PDE1A: variants seen among roughly 807,000 people sequenced by gnomAD.
The protein encoded by PDE1A is phosphodiesterase 1A, also known as dual specificity calcium/calmodulin-dependent 3',5'-cyclic nucleotide phosphodiesterase 1A.
PDE1A carries 35 observed loss-of-function variants against 61.7 expected under a neutral mutation model. That is an observed-to-expected ratio of 0.57 (90% confidence interval 0.43 to 0.75). The LOEUF (loss-of-function observed/expected upper bound fraction) is 0.75, where lower values mean the gene tolerates loss of function less well. Among genes scored for constraint, PDE1A ranks in the 30% least tolerant of loss-of-function variants. The pLI, the probability that PDE1A is intolerant of heterozygous loss-of-function variation, is 0.00. For synonymous variants in PDE1A, 232 were observed against 213.2 expected (o/e 1.09, Z -0.77); for missense variants, 597 against 630.6 (o/e 0.95, Z 0.57).
the PDE1A span, among the ~76,000 whole-genome samples, chr2:182,645,618 A>G: frequency 6.6e-6 from 1 of 152,212 alleles, no homozygotes; most frequent in African/African-American, 2.4e-5. Flanking sequence ...TATCAAAATC[A>G]TTATGCTCAA....
chr2:182,631,176 T>C, the PDE1A span, among the ~76,000 whole-genome samples: 1 of 152,112 alleles, frequency 6.6e-6, no homozygotes, highest in Non-Finnish European at 1.5e-5. Flanking sequence ...GTGTACATTC[T>C]AGTCCAAATC....
chr2:182,602,992 C>CACATACATACATACATACAT, the PDE1A span, among the ~76,000 whole-genome samples: 3 of 130,390 alleles, frequency 2.3e-5, no homozygotes, highest in Non-Finnish European at 5.1e-5. Flanking sequence ...CACACACACA[C>CACATACATACATACATACAT]ACATACATAC....
chr2:182,572,868 C>CAAA, the PDE1A span, among the ~76,000 whole-genome samples: 5 of 52,984 alleles, frequency 9.4e-5, no homozygotes, highest in Non-Finnish European at 1.3e-4. Context: ...GACTCTGTCT[C>CAAA]AAAAAAAAAA....
intron 2 of PDE1A, among the ~76,000 whole-genome samples, chr2:182,452,071 T>C (rs1325061346): frequency 6.6e-6 from 1 of 152,048 alleles, no homozygotes; most frequent in Non-Finnish European, 1.5e-5. Context: ...GGCAGAAATA[T>C]ATAATATGTC....
chr2:182,633,782 A>G, the PDE1A span, among the ~76,000 whole-genome samples: 10 of 152,246 alleles, frequency 6.6e-5, no homozygotes, highest in South Asian at 2.1e-4. Flanking sequence ...GTCCAAACTG[A>G]GTGATTAAAA....
intron 7 of PDE1A, among the ~76,000 whole-genome samples, chr2:182,212,555 G>A (rs1436699222): frequency 6.6e-6 from 1 of 152,204 alleles, no homozygotes; most frequent in Admixed American, 6.5e-5. Context: ...GTCAGTGGGT[G>A]CGCGCACCGT....
chr2:182,230,995 T>C lies in PDE1A; in HGVS notation c.534+20A>G. On this transcript the variant is annotated intron_variant, in intron 5 of 13. Coordinates refer to ENST00000351439, the Ensembl canonical transcript of PDE1A. Reference sequence around the variant, plus strand: ...ATAACCAATTCTAAGAGCATTTCACTTTTGTTCCATGTTTCTGACCTTGAA... The same window carrying C: ...ATAACCAATTCTAAGAGCATTTCACCTTTGTTCCATGTTTCTGACCTTGAA... 1 of 1,190,582 alleles carries C rather than the reference T, an allele frequency of 8.4e-7. No homozygotes were observed. Among genetic ancestry groups the C allele is most frequent in the Non-Finnish European group, 1.2e-6 (1 of 813,220 alleles). The allele number at this position is 1,190,582 out of a possible 1,614,324, so 73.8% of individuals were successfully genotyped here.
At chr2:182,230,271 G>GTTGA in intron 5 of PDE1A, 125 bp from the exon 6 acceptor site, 4 of 683,988 alleles carry the variant, frequency 5.8e-6, no homozygotes, top group Non-Finnish European at 7.1e-6. Flanking sequence ...TATGTCAAAT[G>GTTGA]TTGATTGTTC....
the PDE1A span, among the ~76,000 whole-genome samples, chr2:182,547,842 G>A: frequency 2.0e-5 from 3 of 152,132 alleles, no homozygotes; most frequent in East Asian, 5.8e-4. Flanking sequence ...TGAATTAACT[G>A]ATAAAGTAAT....
the PDE1A span, among the ~76,000 whole-genome samples, chr2:182,572,568 A>G: frequency 1.3e-5 from 2 of 152,188 alleles, no homozygotes; most frequent in Non-Finnish European, 2.9e-5. Flanking sequence ...CTAAACATTT[A>G]TAAGGCCTAC....
At chr2:182,380,587 T>C (rs1485763359) in intron 1 of PDE1A, among the ~76,000 whole-genome samples, 1 of 152,248 alleles carries the variant, frequency 6.6e-6, no homozygotes, top group Non-Finnish European at 1.5e-5. Flanking sequence ...CAATGGATCT[T>C]TTGAAAGAGT....
intron 2 of PDE1A, among the ~76,000 whole-genome samples, chr2:182,521,348 GTTA>G (rs776240841): frequency 4.0e-5 from 6 of 151,778 alleles, no homozygotes; most frequent in African/African-American, 1.2e-4. Flanking sequence ...TCTTTCAGCT[GTTA>G]TTATAGAAAA....
At chr2:182,208,788 G>T (rs1460711176) in intron 7 of PDE1A, among the ~76,000 whole-genome samples, 3 of 152,196 alleles carry the variant, frequency 2.0e-5, no homozygotes, top group Non-Finnish European at 4.4e-5. Context: ...TGCCCTGCTG[G>T]GGTTCAGACT....
At chr2:182,393,555 T>C (rs1200544263) in intron 1 of PDE1A, among the ~76,000 whole-genome samples, 2 of 152,240 alleles carry the variant, frequency 1.3e-5, no homozygotes, top group Non-Finnish European at 2.9e-5. Flanking sequence ...GATGGGTTTT[T>C]CTTTCCTATT....
At chr2:182,215,458 A>G (rs1369628049) in intron 7 of PDE1A, among the ~76,000 whole-genome samples, 1 of 150,112 alleles carries the variant, frequency 6.7e-6, no homozygotes. Context: ...AACCCTTCAA[A>G]AAATTAATGA....
intron 13 of PDE1A, among the ~76,000 whole-genome samples, chr2:182,182,330 T>C (rs1684832263): frequency 6.6e-6 from 1 of 152,192 alleles, no homozygotes; most frequent in Admixed American, 6.5e-5. Flanking sequence ...TCAAAATATC[T>C]GTATATCCAG....
chr2:182,232,736 A>G (rs1050503587), intron 4 of PDE1A, among the ~76,000 whole-genome samples: 2 of 152,228 alleles, frequency 1.3e-5, no homozygotes, highest in Non-Finnish European at 2.9e-5. Flanking sequence ...AAGGAGGTCA[A>G]TAAATCTTTT....
At chr2:182,457,610 T>C (rs1031221482) in intron 2 of PDE1A, among the ~76,000 whole-genome samples, 1 of 151,942 alleles carries the variant, frequency 6.6e-6, no homozygotes, top group Non-Finnish European at 1.5e-5. Context: ...ATGGTTTTGG[T>C]AGTGATGATT....
chr2:182,574,336 T>A, the PDE1A span, among the ~76,000 whole-genome samples: 1 of 152,080 alleles, frequency 6.6e-6, no homozygotes, highest in South Asian at 2.1e-4. Flanking sequence ...ATGCTTTACA[T>A]CCTTCAATCC....
Sources: gnomAD v4.1 joint callset for allele counts (sites outside exome capture counted in the v4.1 genomes callset) on GRCh38, gnomAD v4.1.1 for gene constraint, MANE v1.5 for transcripts, NCBI Gene and HGNC (gene_info 2026-07-23, HGNC 2026-07-21) for gene names.